GABRR2: variants seen among roughly 807,000 people sequenced by gnomAD.
GABRR2 encodes the protein gamma-aminobutyric acid type A receptor subunit rho2, also known as gamma-aminobutyric acid receptor subunit rho-2.
Under a neutral mutation model 47.0 loss-of-function variants are expected in GABRR2, and 36 were observed. That is an observed-to-expected ratio of 0.77 (90% CI 0.59 to 1.01). The LOEUF (loss-of-function observed/expected upper bound fraction) is 1.01. GABRR2 is among the 50% of genes least tolerant of loss of function. GABRR2 has a pLI of 0.00. For missense variants in GABRR2, 587 were observed against 594.6 expected, an observed-to-expected ratio of 0.99 and a Z score of 0.13; for synonymous variants, 204 against 227.5, an observed-to-expected ratio of 0.90 and a Z score of 0.93.
intron 1 of GABRR2, 45 bp from the exon 2 acceptor site, chr6:89,299,910 C>T (rs764818064): frequency 2.4e-6 from 3 of 1,242,742 alleles, no homozygotes; most frequent in African/African-American, 3.0e-5. Context: ...CTCTTCAATG[C>T]ATTGAGTGAG....
At chr6:89,269,751 A>G (rs1291950178) in intron 3 of GABRR2, among the ~76,000 whole-genome samples, 1 of 152,220 alleles carries the variant, frequency 6.6e-6, no homozygotes, top group Non-Finnish European at 1.5e-5. Context: ...GTGCCTGGCA[A>G]AGCACAGAGT....
At chr6:89,296,030 C>T (rs1403579439) in intron 2 of GABRR2, among the ~76,000 whole-genome samples, 1 of 152,114 alleles carries the variant, frequency 6.6e-6, no homozygotes, top group Non-Finnish European at 1.5e-5. Flanking sequence ...CTTTGGGGGC[C>T]CAGGCTCTAC....
chr6:89,271,355 G>A (rs753784165), intron 3 of GABRR2, among the ~76,000 whole-genome samples: 5 of 152,182 alleles, frequency 3.3e-5, no homozygotes, highest in Non-Finnish European at 5.9e-5. Context: ...ACCAGGTGTG[G>A]TTCGCCTGAT....
At chr6:89,274,131 C>T (rs1774113201) in intron 2 of GABRR2, among the ~76,000 whole-genome samples, 2 of 152,220 alleles carry the variant, frequency 1.3e-5, no homozygotes, top group South Asian at 4.1e-4. Context: ...AGCTCCAGTG[C>T]CCTTTTAAGG....
chr6:89,295,770 T>G (rs977032813), intron 2 of GABRR2, among the ~76,000 whole-genome samples: 5 of 151,976 alleles, frequency 3.3e-5, no homozygotes, highest in Non-Finnish European at 7.4e-5. Flanking sequence ...GGTCTAACAT[T>G]TAAGTCTTTA....
chr6:89,304,150 C>T (rs975222228), intron 1 of GABRR2, among the ~76,000 whole-genome samples: 2 of 152,072 alleles, frequency 1.3e-5, no homozygotes, highest in Admixed American at 6.5e-5. Context: ...AAAGTATCAA[C>T]ATAGTAAATA....
intron 3 of GABRR2, among the ~76,000 whole-genome samples, chr6:89,269,966 A>G (rs368665190): frequency 2.0e-5 from 3 of 152,174 alleles, no homozygotes; most frequent in Non-Finnish European, 4.4e-5. Flanking sequence ...TAACTGCCCA[A>G]AAGATCCTCT....
At position 89,264,481 on chromosome 6, in the gene GABRR2, C is replaced by T; in HGVS notation, c.1017G>A (p.Val339=). The T allele has an allele frequency of 6.2e-7, 1 of 1,614,116 alleles. No individual in the cohort carries two copies. Among genetic ancestry groups the T allele is most frequent in the Non-Finnish European group, 8.5e-7 (1 of 1,180,002 alleles). The change falls in exon 8 of 9, where the codon GTG becomes GTA. Residue 339 remains valine, a synonymous_variant. Coordinates refer to ENST00000402938, the MANE Select transcript of GABRR2 (RefSeq NM_002043.5). ...GGTAGTTGACAGCCGCATACTCCAGCACCGAGAGGAACACGAACACAAAGC... is the reference window on the plus strand; with the variant it reads ...GGTAGTTGACAGCCGCATACTCCAGTACCGAGAGGAACACGAACACAAAGC... ...WVSFVFVFLS[V]LEYAAVNYLT...
rs550309832 is a variant in GABRR2 at position 89,275,199 on chromosome 6, A to C, written c.221-3477T>G. 7.9e-5 allele frequency among the ~76,000 whole-genome samples: 12 copies of C among 152,362 alleles called. No individual in the cohort carries two copies. The East Asian group carries it at 2.1e-3, about 27-fold the overall frequency. Reference sequence around the variant, plus strand: ...ACTAGAAAATCAATCAAGGAATTCCAGTAATAGCAAGCTAAGTAATTCACA... The same window carrying C: ...ACTAGAAAATCAATCAAGGAATTCCCGTAATAGCAAGCTAAGTAATTCACA... On this transcript the variant is annotated intron_variant, in intron 2 of 8. Transcript: ENST00000402938.
At chr6:89,283,729 A>T (rs530612798) in intron 2 of GABRR2, among the ~76,000 whole-genome samples, 44 of 152,338 alleles carry the variant, frequency 2.9e-4, no homozygotes, top group Admixed American at 7.2e-4. Context: ...TGAGCCAAGT[A>T]CATCCAGGAG....
At chr6:89,271,601 G>A (rs929755506) in intron 3 of GABRR2, 54 bp downstream of exon 3, 10 of 1,489,796 alleles carry the variant, frequency 6.7e-6, no homozygotes, top group African/African-American at 2.8e-5. Flanking sequence ...CTGCACCACC[G>A]AGGCCCACTA....
chr6:89,284,935 A>C (rs758215857), intron 2 of GABRR2, among the ~76,000 whole-genome samples: 21 of 152,206 alleles, frequency 1.4e-4, no homozygotes, highest in Non-Finnish European at 1.9e-4. Context: ...ACTATAAAGA[A>C]TATGTTGATG....
intron 1 of GABRR2, chr6:89,301,757 G>C (rs1205749020): frequency 1.4e-6 from 1 of 695,190 alleles, no homozygotes; most frequent in African/African-American, 1.8e-5. Flanking sequence ...CTGCCCGTCC[G>C]CAGCCGCCTG....
intron 6 of GABRR2, 52 bp downstream of exon 6, chr6:89,267,627 T>TG: frequency 1.3e-6 from 2 of 1,544,134 alleles, no homozygotes; most frequent in Non-Finnish European, 1.8e-6. Context: ...GAAGAAGAAT[T>TG]CAAATGTGCT....
At chr6:89,282,178 G>A (rs1418771774) in intron 2 of GABRR2, among the ~76,000 whole-genome samples, 2 of 152,072 alleles carry the variant, frequency 1.3e-5, no homozygotes, top group East Asian at 1.9e-4. Context: ...CCCAGCCAGC[G>A]AGCCACCAGC....
chr6:89,283,205 T>C lies in GABRR2; in HGVS notation c.221-11483A>G, dbSNP rs552965399. On this transcript the variant is annotated intron_variant, in intron 2 of 8. Transcript: ENST00000402938. ...TCTATTGGATTTTAATTTTTTTTTT[T>C]GCTTGTTGTAAGGAGAGTTTGCCAA... Among the ~76,000 whole-genome samples, 8 of 151,932 alleles carry C rather than the reference T, an allele frequency of 5.3e-5. No individual in the cohort carries two copies. The South Asian group carries it at 6.2e-4, about 12-fold the overall frequency.
chr6:89,263,374 C>G (rs1773795613), intron 8 of GABRR2, among the ~76,000 whole-genome samples: 1 of 152,082 alleles, frequency 6.6e-6, no homozygotes, highest in Non-Finnish European at 1.5e-5. Context: ...CAACATGAGG[C>G]CATTAGTAGT....
chr6:89,271,641 A>C lies in GABRR2; in HGVS notation c.288+14T>G. 6.2e-7 allele frequency: 1 copy of C among 1,606,472 alleles called. No individual in the cohort carries two copies. The highest frequency in any genetic ancestry group is 8.5e-7 in the Non-Finnish European group (1 of 1,176,092). ...ACAGGCTCTCACGCTGTGTCACTGG[A>C]GGCCGCTGCATACCATGTCCACCTC... On this transcript the variant is annotated intron_variant, in intron 3 of 8. Coordinates refer to ENST00000402938, the MANE Select transcript of GABRR2 (RefSeq NM_002043.5).
chr6:89,260,974 G>A (rs571370589), intron 8 of GABRR2, among the ~76,000 whole-genome samples: 1 of 152,242 alleles, frequency 6.6e-6, no homozygotes, highest in Non-Finnish European at 1.5e-5. Flanking sequence ...CAACAGCAGA[G>A]TACGAGCTCT....
Sources: allele counts gnomAD v4.1 joint callset (sites outside exome capture counted in the v4.1 genomes callset), GRCh38; gene constraint gnomAD v4.1.1; transcripts MANE v1.5; gene names NCBI Gene and HGNC (gene_info 2026-07-23, HGNC 2026-07-21).